SLMAP: variants seen among roughly 807,000 people sequenced by gnomAD.
SLMAP encodes sarcolemmal membrane-associated protein.
SLMAP carries 44 observed loss-of-function variants against 128.8 expected under a neutral mutation model. The observed-to-expected ratio is 0.34, with a 90% CI of 0.27 to 0.44. The LOEUF (loss-of-function observed/expected upper bound fraction) is 0.44. SLMAP is among the 20% of genes least tolerant of loss of function. SLMAP has a pLI of 1.00. For synonymous variants in SLMAP, 327 were observed against 348.8 expected (o/e 0.94, Z 0.70); for missense variants, 787 against 985.3 (o/e 0.80, Z 2.69).
In SLMAP at chr3:57,782,158, G is replaced by A. The variant is rs551335009; in HGVS notation, c.198+24309G>A. ...TTCTTGAGATTTGGTCATATCTCTT[G>A]AAATAGAGAAATTTTGGGGATACTA... On this transcript the variant is annotated intron_variant, in intron 2 of 24. Coordinates refer to ENST00000671191, the MANE Select transcript of SLMAP (RefSeq NM_001377540.1). Among the ~76,000 whole-genome samples, 25 of 152,268 alleles carry A rather than the reference G, an allele frequency of 1.6e-4. 1 individual carries two copies. In the South Asian group the frequency reaches 5.0e-3, roughly 30 times the overall value.
intron 2 of SLMAP, among the ~76,000 whole-genome samples, chr3:57,760,262 ACTTAT>A (rs1329188404): frequency 1.3e-5 from 2 of 152,098 alleles, no homozygotes; most frequent in African/African-American, 2.4e-5. Context: ...CTTCAGAAAA[ACTTAT>A]CTTTGAATGG....
At chr3:57,808,722 A>T (rs1008015980) in intron 2 of SLMAP, among the ~76,000 whole-genome samples, 7 of 152,214 alleles carry the variant, frequency 4.6e-5, no homozygotes, top group Non-Finnish European at 8.8e-5. Context: ...ACTGAGAAGA[A>T]TGTATATTCT....
At chr3:57,906,884 A>T (rs1044070856) in intron 17 of SLMAP, among the ~76,000 whole-genome samples, 3 of 151,872 alleles carry the variant, frequency 2.0e-5, no homozygotes, top group Admixed American at 1.3e-4. Flanking sequence ...AAGGTTTTAA[A>T]AAATTAAAAA....
In SLMAP at chr3:57,789,243, TA is replaced by T. The variant is rs1157933884; in HGVS notation, c.198+31395del. 2.0e-5 allele frequency among the ~76,000 whole-genome samples: 3 copies of T among 152,084 alleles called. No individual in the cohort carries two copies. The East Asian group carries it at 5.8e-4, about 29-fold the overall frequency. ...ATTTATTCAGGACCATTGAGATAGG[TA>T]TAGAAACCACTGCAGTGGGGTGTGG... On this transcript the variant is annotated intron_variant, in intron 2 of 24. Transcript: ENST00000671191.
At chr3:57,889,367 A>G (rs189059239) in intron 14 of SLMAP, among the ~76,000 whole-genome samples, 1 of 152,228 alleles carries the variant, frequency 6.6e-6, no homozygotes, top group Non-Finnish European at 1.5e-5. Context: ...AAGCAAGAGA[A>G]TAGAAAATTT....
At chr3:57,818,591 A>C (rs1052534419) in intron 2 of SLMAP, among the ~76,000 whole-genome samples, 1 of 152,214 alleles carries the variant, frequency 6.6e-6, no homozygotes, top group Non-Finnish European at 1.5e-5. Flanking sequence ...ACTGGCAATG[A>C]TTATTGTAAA....
intron 14 of SLMAP, among the ~76,000 whole-genome samples, chr3:57,882,874 C>G (rs949895606): frequency 6.6e-6 from 1 of 151,748 alleles, no homozygotes; most frequent in Non-Finnish European, 1.5e-5. Context: ...TAGAGAAAGA[C>G]TAGAATAGCT....
chr3:57,827,328 T>C (rs2092993763), intron 2 of SLMAP, among the ~76,000 whole-genome samples: 2 of 152,206 alleles, frequency 1.3e-5, no homozygotes, highest in African/African-American at 4.8e-5. Flanking sequence ...TGATGCAAAA[T>C]GTATGTATTT....
chr3:57,911,450 G>C (rs1194682598), intron 19 of SLMAP, among the ~76,000 whole-genome samples: 1 of 151,906 alleles, frequency 6.6e-6, no homozygotes, highest in African/African-American at 2.4e-5. Flanking sequence ...TAATTTTCTT[G>C]TTCTGCGCCA....
At chr3:57,874,128 G>A (rs537153409) in intron 14 of SLMAP, among the ~76,000 whole-genome samples, 1 of 151,902 alleles carries the variant, frequency 6.6e-6, no homozygotes, top group South Asian at 2.1e-4. Context: ...CTCAGCAACA[G>A]CAACAACAAA....
intron 21 of SLMAP, among the ~76,000 whole-genome samples, chr3:57,914,413 A>G (rs569414368): frequency 6.6e-6 from 1 of 152,286 alleles, no homozygotes; most frequent in Non-Finnish European, 1.5e-5. Context: ...ATGAATAAAA[A>G]TAAAAACAAA....
chr3:57,921,446 G>GTGAA (rs1559574834), intron 22 of SLMAP, among the ~76,000 whole-genome samples: 1 of 151,974 alleles, frequency 6.6e-6, no homozygotes, highest in East Asian at 2.0e-4. Flanking sequence ...GGCCAACATG[G>GTGAA]TGAAACTCCA....
chr3:57,923,078 A>T lies in SLMAP; in HGVS notation c.2445+55A>T, dbSNP rs1250233740. 14 of 1,555,178 alleles carry T rather than the reference A, an allele frequency of 9.0e-6. No homozygotes were observed. In the Admixed American group the frequency reaches 1.1e-4, roughly 12 times the overall value. ...GATTGAGAGGCACATGAGAGATTGA[A>T]ATTGATTTTCAGAGGACTTTATCAC... On this transcript the variant is annotated intron_variant, in intron 23 of 24. Transcript: ENST00000671191.
chr3:57,869,630 T>TTATTTATATATA (rs1553900189), intron 13 of SLMAP, among the ~76,000 whole-genome samples: 2 of 75,474 alleles, frequency 2.6e-5, no homozygotes, highest in African/African-American at 1.0e-4. Context: ...CCCATCTCTA[T>TTATTTATATATA]TATATATATA....
chr3:57,821,562 T>G (rs1388582324), intron 2 of SLMAP, among the ~76,000 whole-genome samples: 4 of 152,190 alleles, frequency 2.6e-5, no homozygotes, highest in African/African-American at 9.6e-5. Flanking sequence ...AATAAATTAA[T>G]TAATGTTGAA....
intron 14 of SLMAP, among the ~76,000 whole-genome samples, chr3:57,883,008 T>C (rs1193125037): frequency 6.6e-6 from 1 of 152,176 alleles, no homozygotes; most frequent in Non-Finnish European, 1.5e-5. Context: ...AAAACTTCTC[T>C]ACTTTCACCA....
At chr3:57,864,977 A>C in intron 12 of SLMAP, 120 bp downstream of exon 12, 1 of 792,186 alleles carries the variant, frequency 1.3e-6, no homozygotes, top group Non-Finnish European at 1.9e-6. Context: ...TAAAGTATCT[A>C]TATTCTTTTA....
chr3:57,857,593 G>C (rs1174331903), intron 6 of SLMAP, 140 bp from the exon 7 acceptor site: 2 of 628,594 alleles, frequency 3.2e-6, no homozygotes, highest in African/African-American at 3.7e-5. Flanking sequence ...GTTTTACAAA[G>C]TACTATCAAG....
intron 2 of SLMAP, among the ~76,000 whole-genome samples, chr3:57,762,369 A>G (rs974986955): frequency 7.0e-6 from 1 of 143,438 alleles, no homozygotes; most frequent in African/African-American, 2.5e-5. Context: ...ACTCTGTCTC[A>G]AAAAAAAAAA....
Sources: allele counts gnomAD v4.1 joint callset (sites outside exome capture counted in the v4.1 genomes callset), GRCh38; gene constraint gnomAD v4.1.1; transcripts MANE v1.5; gene names NCBI Gene and HGNC (gene_info 2026-07-23, HGNC 2026-07-21).